Variants in SACS observed in about 807,000 individuals in gnomAD.
SACS encodes the protein sacsin.
Under a neutral mutation model 348.0 loss-of-function variants are expected in SACS, and 197 were observed. The ratio of observed to expected loss-of-function variants is 0.57; its 90% CI spans 0.50 to 0.64. The LOEUF (loss-of-function observed/expected upper bound fraction) is 0.64. Among genes scored for constraint, SACS ranks in the 30% least tolerant of loss-of-function variants. The pLI, the probability that SACS is intolerant of heterozygous loss-of-function variation, is 0.00. For synonymous variants in SACS, 1,985 were observed against 1,910.6 expected, an observed-to-expected ratio of 1.04 and a Z score of -1.02; for missense variants, 4,999 against 5,360.8, an observed-to-expected ratio of 0.93 and a Z score of 2.11.
chr13:23,379,574 T>A (rs1871958580), intron 2 of SACS, among the ~76,000 whole-genome samples: 1 of 152,136 alleles, frequency 6.6e-6, no homozygotes, highest in Non-Finnish European at 1.5e-5. Flanking sequence ...CACCTCCCTC[T>A]CCTATGTGCC....
In SACS at chr13:23,331,449, A is replaced by G; in HGVS notation, c.12427T>C (p.Tyr4143His). Residue 4143 changes from tyrosine to histidine, a missense_variant, in exon 10 of 10, where the codon TAT (tyrosine) becomes CAT (histidine). By Grantham distance (83) the Tyr-to-His change is moderately conservative (BLOSUM62 2). Transcript: ENST00000382292. ...AGTTTTGATGGCTCCGAAGAGTCAT[A>G]TTTCACTCCTAAACTGTCAAGTTTC... ...GEKLDSLGVK[Y>H]DSSEPSKLEL... 6.2e-7 allele frequency: 1 copy of G among 1,614,008 alleles called. No homozygotes were observed. The highest frequency in any genetic ancestry group is 8.5e-7 in the Non-Finnish European group (1 of 1,179,936).
intron 1 of SACS, among the ~76,000 whole-genome samples, chr13:23,431,724 A>C (rs1202337905): frequency 6.6e-6 from 1 of 152,244 alleles, no homozygotes; most frequent in Non-Finnish European, 1.5e-5. Context: ...CTATGGCAAC[A>C]TGGAAACATC....
chr13:23,346,463 G>A (rs966258331), intron 9 of SACS, among the ~76,000 whole-genome samples: 4 of 151,838 alleles, frequency 2.6e-5, no homozygotes, highest in Admixed American at 6.6e-5. Flanking sequence ...CTTTTTAATC[G>A]GAATATTTGT....
chr13:23,388,209 C>T (rs1872375026), intron 2 of SACS, among the ~76,000 whole-genome samples: 1 of 151,852 alleles, frequency 6.6e-6, no homozygotes, highest in South Asian at 2.1e-4. Flanking sequence ...TGGCTCACAC[C>T]TGTAATCCCA....
chr13:23,384,963 T>C (rs1872217184), intron 2 of SACS, among the ~76,000 whole-genome samples: 1 of 152,122 alleles, frequency 6.6e-6, no homozygotes, highest in South Asian at 2.1e-4. Flanking sequence ...ATTATGTCTT[T>C]AAAAATGTAC....
Position 23,353,831 on chromosome 13 carries a change from C to CAA in SACS, c.2137_2138dup (p.Leu713PhefsTer2). 1.9e-6 allele frequency: 3 copies of CAA among 1,611,500 alleles called. No homozygotes were observed. Among genetic ancestry groups the CAA allele is most frequent in the Non-Finnish European group, 2.5e-6 (3 of 1,177,784 alleles). On this transcript the variant is annotated frameshift_variant, in exon 9 of 10. Coordinates refer to ENST00000382292, the MANE Select transcript of SACS (RefSeq NM_014363.6). LOFTEE classifies it high-confidence loss of function. ...TTAAAGCAGCCACAAGGTGAGGTTT[C>CAA]AAGTTATCCAAAATAAATCTTCCTT... is the stretch of plus-strand genomic sequence containing the variant.
intron 2 of SACS, among the ~76,000 whole-genome samples, chr13:23,400,629 C>A (rs1872931367): frequency 6.6e-6 from 1 of 152,124 alleles, no homozygotes; most frequent in African/African-American, 2.4e-5. Flanking sequence ...ACCGTGTTAG[C>A]CAGGATGGTC....
intron 6 of SACS, among the ~76,000 whole-genome samples, chr13:23,363,732 T>A (rs1251037119): frequency 6.6e-6 from 1 of 152,164 alleles, no homozygotes; most frequent in Non-Finnish European, 1.5e-5. Context: ...GTATAAAACA[T>A]TATCACATAT....
At chr13:23,413,391 A>G (rs1188179295) in intron 1 of SACS, among the ~76,000 whole-genome samples, 1 of 152,252 alleles carries the variant, frequency 6.6e-6, no homozygotes, top group Non-Finnish European at 1.5e-5. Flanking sequence ...ACATTATCAT[A>G]CTAAATTTCA....
chr13:23,400,641 C>T (rs1872932293), intron 2 of SACS, among the ~76,000 whole-genome samples: 1 of 152,128 alleles, frequency 6.6e-6, no homozygotes, highest in Non-Finnish European at 1.5e-5. Flanking sequence ...AGGATGGTCT[C>T]GATCTCCTGA....
chr13:23,372,852 T>C (rs773233457), intron 3 of SACS, among the ~76,000 whole-genome samples: 5 of 152,320 alleles, frequency 3.3e-5, no homozygotes, highest in Admixed American at 6.5e-5. Flanking sequence ...GGTACCAAAT[T>C]GTGGCAATTT....
Position 23,363,303 on chromosome 13 carries a change from CT to C in SACS, c.457+1862del, listed in dbSNP as rs1415071811. ...ACTGCAATAGTGGGGTCTTGGCTCA[CT>C]GCAACCTCTGCCTCCCAGGTTCAAG... On this transcript the variant is annotated intron_variant, in intron 6 of 9. Transcript: ENST00000382292. 1.9e-3 allele frequency among the ~76,000 whole-genome samples: 288 copies of C among 152,006 alleles called. 2 individuals carry two copies. Among genetic ancestry groups the C allele is most frequent in the Admixed American group, 0.015 (231 of 15,260 alleles).
At chr13:23,395,549 C>T (rs1872682356) in intron 2 of SACS, among the ~76,000 whole-genome samples, 1 of 152,034 alleles carries the variant, frequency 6.6e-6, no homozygotes, top group Non-Finnish European at 1.5e-5. Flanking sequence ...CTGTCCACTT[C>T]TGCCAGAACT....
intron 2 of SACS, among the ~76,000 whole-genome samples, chr13:23,375,712 T>TGCCC (rs997248786): frequency 6.7e-6 from 1 of 150,212 alleles, no homozygotes; most frequent in African/African-American, 2.5e-5. Flanking sequence ...AGTTCTGTCT[T>TGCCC]GCCCAATCCG....
intron 1 of SACS, among the ~76,000 whole-genome samples, chr13:23,416,556 G>A (rs559927651): frequency 1.7e-4 from 26 of 152,076 alleles, no homozygotes; most frequent in East Asian, 1.6e-3. Flanking sequence ...CCAGGAGTTC[G>A]AGGCCAGCCT....
chr13:23,367,631 G>A (rs1871138879), intron 5 of SACS, among the ~76,000 whole-genome samples: 1 of 152,156 alleles, frequency 6.6e-6, no homozygotes, highest in African/African-American at 2.4e-5. Flanking sequence ...TGTGGCTCCT[G>A]CTGCCCAGGC....
intron 1 of SACS, among the ~76,000 whole-genome samples, chr13:23,413,197 T>C (rs1353643110): frequency 6.6e-6 from 1 of 152,122 alleles, no homozygotes; most frequent in Non-Finnish European, 1.5e-5. Context: ...AGGCTGGTCT[T>C]GAACTCTCAA....
Position 23,333,734 on chromosome 13 carries a change from T to C in SACS, c.10142A>G (p.Glu3381Gly). The C allele has an allele frequency of 2.5e-6, 4 of 1,613,850 alleles. No homozygotes were observed. Among genetic ancestry groups the C allele is most frequent in the Non-Finnish European group, 3.4e-6 (4 of 1,179,796 alleles). The part of the protein sequence containing the change: ...TSTFRAEKLV[E>G]NDFEALLMYF... ...CATCAAAAGTGCCTCAAAATCATTTTCTACTAATTTTTCTGCTCTAAATGT... is the reference window on the plus strand; with the variant it reads ...CATCAAAAGTGCCTCAAAATCATTTCCTACTAATTTTTCTGCTCTAAATGT... The change falls in exon 10 of 10, where the codon GAA becomes GGA. Residue 3381 changes from glutamate (E) to glycine (G), a missense_variant. Transcript: ENST00000382292.
At chr13:23,424,771 C>T (rs1362720543) in intron 1 of SACS, among the ~76,000 whole-genome samples, 1 of 152,034 alleles carries the variant, frequency 6.6e-6, no homozygotes, top group East Asian at 1.9e-4. Context: ...ATAACGAAAA[C>T]CAAGCTATGT....
Sources: allele counts gnomAD v4.1 joint callset (sites outside exome capture counted in the v4.1 genomes callset), GRCh38; gene constraint gnomAD v4.1.1; transcripts MANE v1.5; gene names NCBI Gene and HGNC (gene_info 2026-07-23, HGNC 2026-07-21).